HDAC4: variants seen among roughly 807,000 people sequenced by gnomAD.
HDAC4 encodes histone deacetylase 4.
HDAC4 carries 16 observed loss-of-function variants against 135.1 expected under a neutral mutation model. That is an observed-to-expected ratio of 0.12 (90% CI 0.08 to 0.18). The LOEUF (loss-of-function observed/expected upper bound fraction) is 0.18. Ranked by LOEUF, HDAC4 falls within the 10% of genes least tolerant of loss-of-function variation. The pLI is 1.00. For missense variants in HDAC4, 1,143 were observed against 1,511.8 expected (o/e 0.76, Z 4.05); for synonymous variants, 685 against 653.4 (o/e 1.05, Z -0.74).
chr2:239,369,502 A>G (rs980645974), intron 1 of HDAC4, among the ~76,000 whole-genome samples: 3 of 152,206 alleles, frequency 2.0e-5, no homozygotes, highest in Non-Finnish European at 2.9e-5. Flanking sequence ...CTACTTTCTA[A>G]GTTTATTTAT....
intron 13 of HDAC4, among the ~76,000 whole-genome samples, chr2:239,112,587 C>A (rs1480689334): frequency 6.6e-6 from 1 of 152,066 alleles, no homozygotes; most frequent in Non-Finnish European, 1.5e-5. Flanking sequence ...GCCTGGGACA[C>A]CCTGAGGGAT....
At position 239,309,630 on chromosome 2, in the gene HDAC4, C is replaced by T. The variant is rs930423486; in HGVS notation, c.22+43048G>A. On this transcript the variant is annotated intron_variant, in intron 2 of 26. Transcript: ENST00000543185. The surrounding 1 kb of genome is among the most constrained non-coding windows in gnomAD (Gnocchi z 4.2). ...AGGAGCCCCTGCCAGTGAGGGCCAG[C>T]GAGGGGCCCAGGGAGAAGATGGAGG... is the stretch of plus-strand genomic sequence containing the variant. Among the ~76,000 whole-genome samples the T allele has an allele frequency of 6.6e-6, 1 of 152,228 alleles. No homozygotes were observed. Among genetic ancestry groups the T allele is most frequent in the Admixed American group, 6.5e-5 (1 of 15,290 alleles).
intron 23 of HDAC4, among the ~76,000 whole-genome samples, chr2:239,067,928 G>GC (rs921734881): frequency 9.9e-5 from 15 of 152,184 alleles, no homozygotes; most frequent in African/African-American, 3.6e-4. Context: ...GGGGGAGGCG[G>GC]CCAGGCCTTT....
intron 15 of HDAC4, among the ~76,000 whole-genome samples, chr2:239,105,605 C>T (rs770811025): frequency 6.6e-6 from 1 of 152,304 alleles, no homozygotes; most frequent in Non-Finnish European, 1.5e-5. Flanking sequence ...GAAGCCAACT[C>T]AGCAGTGTGA....
intron 22 of HDAC4, among the ~76,000 whole-genome samples, chr2:239,079,134 G>GAGC (rs754439495): frequency 7.4e-4 from 113 of 152,334 alleles, no homozygotes; most frequent in Non-Finnish European, 1.4e-3. Flanking sequence ...CACATTCCAT[G>GAGC]AGCAGATGGT....
At chr2:239,369,950 G>C (rs1355541306) in intron 1 of HDAC4, among the ~76,000 whole-genome samples, 1 of 152,222 alleles carries the variant, frequency 6.6e-6, no homozygotes, top group Non-Finnish European at 1.5e-5. Context: ...TGGGCGGAGA[G>C]AATCATAGGA....
chr2:239,347,681 AT>A (rs1157379902), intron 2 of HDAC4, among the ~76,000 whole-genome samples: 1 of 152,004 alleles, frequency 6.6e-6, no homozygotes, highest in Non-Finnish European at 1.5e-5. Flanking sequence ...CGCCTGGCTA[AT>A]TTTTGTGTTT....
intron 1 of HDAC4, among the ~76,000 whole-genome samples, chr2:239,389,732 A>G (rs1696069952): frequency 6.6e-6 from 1 of 152,180 alleles, no homozygotes; most frequent in South Asian, 2.1e-4. Flanking sequence ...TGAGGACGCT[A>G]CTGGCGGCTT....
intron 2 of HDAC4, among the ~76,000 whole-genome samples, chr2:239,272,772 C>G (rs1243445505): frequency 6.6e-6 from 1 of 152,240 alleles, no homozygotes; most frequent in African/African-American, 2.4e-5. Context: ...TGCCCTCTGA[C>G]TCTGGCAGAG....
intron 12 of HDAC4, among the ~76,000 whole-genome samples, chr2:239,120,422 G>C (rs11695895): frequency 1.7e-5 from 2 of 115,564 alleles, no homozygotes; most frequent in East Asian, 2.6e-4. Flanking sequence ...CACAGACACA[G>C]ACAGATGCAC....
intron 2 of HDAC4, among the ~76,000 whole-genome samples, chr2:239,338,231 T>C (rs1273081587): frequency 2.0e-5 from 3 of 152,120 alleles, no homozygotes; most frequent in Non-Finnish European, 4.4e-5. Flanking sequence ...GTGGCACCTC[T>C]CTCGCGACTC....
At chr2:239,370,232 CAG>C (rs1030253090) in intron 1 of HDAC4, among the ~76,000 whole-genome samples, 7 of 152,294 alleles carry the variant, frequency 4.6e-5, no homozygotes, top group African/African-American at 9.6e-5. Flanking sequence ...CAACAACCGT[CAG>C]AGAGTGGTGC....
chr2:239,126,239 G>A (rs983917135), intron 12 of HDAC4, among the ~76,000 whole-genome samples: 1 of 152,334 alleles, frequency 6.6e-6, no homozygotes, highest in South Asian at 2.1e-4. Context: ...CTCCCTGCAG[G>A]TGAACTGTTC....
rs2033799945 is a variant in HDAC4, at chr2:239,068,397, C to T, written c.2869+92G>A. On this transcript the variant is annotated intron_variant, in intron 23 of 26. Coordinates refer to ENST00000543185, the MANE Select transcript of HDAC4 (RefSeq NM_001378414.1). The surrounding 1 kb of genome is among the most constrained non-coding windows in gnomAD (Gnocchi z 4.4). ...TTAGTAAAAAGGTGCCCTTCCTTAT[C>T]TCGTTATTAAAAAGGGGACCTGACA... The T allele has an allele frequency of 2.1e-6, 2 of 933,180 alleles. No homozygotes were observed. Among genetic ancestry groups the T allele is most frequent in the African/African-American group, 1.6e-5 (1 of 61,780 alleles). The allele number at this position is 933,180 out of a possible 1,614,324, so 57.8% of individuals were successfully genotyped here. A position where few individuals can be genotyped will look rare whatever the true frequency, so the allele number is the denominator to read the frequency against.
chr2:239,149,256 C>G (rs1316529780), intron 7 of HDAC4, among the ~76,000 whole-genome samples: 3 of 151,970 alleles, frequency 2.0e-5, no homozygotes, highest in African/African-American at 7.2e-5. Flanking sequence ...CAAAAATTAG[C>G]CAGGTGTGGT....
intron 3 of HDAC4, 22 bp downstream of exon 3, chr2:239,236,571 G>C (rs1023104104): frequency 2.6e-5 from 40 of 1,545,646 alleles, no homozygotes; most frequent in Non-Finnish European, 3.2e-5. Context: ...CGGCCGGACA[G>C]GGCAGGGGTG....
At chr2:239,126,728 G>A (rs779372756) in intron 11 of HDAC4, 34 bp from the exon 12 acceptor site, 1 of 1,602,024 alleles carries the variant, frequency 6.2e-7, no homozygotes, top group South Asian at 1.1e-5. Context: ...CAGCAGAGGG[G>A]AAGAGGAAGA....
intron 4 of HDAC4, among the ~76,000 whole-genome samples, chr2:239,180,259 T>C (rs1458900972): frequency 6.6e-6 from 1 of 152,136 alleles, no homozygotes; most frequent in Non-Finnish European, 1.5e-5. Flanking sequence ...CCTAGGCTTC[T>C]GGGAAGATCC....
Position 239,395,356 on chromosome 2 carries a change from T to C in HDAC4, c.-220+5622A>G, listed in dbSNP as rs149955439. 3.9e-3 allele frequency among the ~76,000 whole-genome samples: 593 copies of C among 152,280 alleles called. 5 individuals are homozygous for C. The highest frequency in any genetic ancestry group is 0.013 in the African/African-American group (551 of 41,564). On this transcript the variant is annotated intron_variant, in intron 1 of 26. Coordinates refer to ENST00000543185, the MANE Select transcript of HDAC4 (RefSeq NM_001378414.1). The stretch of plus-strand genomic sequence containing the variant: ...TTCTGGTGGAAACCTGGGAGACTGT[T>C]TGTAGGATGGGCTGTAGCAGAGCCC...
Sources: allele counts gnomAD v4.1 joint callset (sites outside exome capture counted in the v4.1 genomes callset), GRCh38; gene constraint gnomAD v4.1.1; non-coding constraint Gnocchi (gnomAD v3.1); transcripts MANE v1.5; gene names NCBI Gene and HGNC (gene_info 2026-07-23, HGNC 2026-07-21).